The following NKAIN2 variants were observed in gnomAD, a reference collection of about 807,000 sequenced individuals.
The protein encoded by NKAIN2 is sodium/potassium transporting ATPase interacting 2.
Under a neutral mutation model 32.6 loss-of-function variants are expected in NKAIN2, and 14 were observed. That is an observed-to-expected ratio of 0.43 (90% confidence interval 0.28 to 0.67). The LOEUF (loss-of-function observed/expected upper bound fraction) is 0.67. NKAIN2 is among the 30% of genes least tolerant of loss of function. NKAIN2 has a pLI of 0.17. For synonymous variants in NKAIN2, 80 were observed against 87.2 expected (o/e 0.92, Z 0.46); for missense variants, 198 against 258.3 (o/e 0.77, Z 1.60).
At chr6:123,868,133 G>T (rs1231824960) in intron 1 of NKAIN2, among the ~76,000 whole-genome samples, 2 of 152,150 alleles carry the variant, frequency 1.3e-5, no homozygotes, top group Non-Finnish European at 2.9e-5. Flanking sequence ...CTCCCAAAGT[G>T]CTGGGATTAC....
intron 1 of NKAIN2, among the ~76,000 whole-genome samples, chr6:123,997,959 C>T (rs567875036): frequency 6.6e-6 from 1 of 152,178 alleles, no homozygotes; most frequent in Non-Finnish European, 1.5e-5. Flanking sequence ...CAGGTATTTT[C>T]AAATAGAATG....
At chr6:124,584,153 C>T (rs935601828) in intron 3 of NKAIN2, among the ~76,000 whole-genome samples, 3 of 152,044 alleles carry the variant, frequency 2.0e-5, no homozygotes, top group African/African-American at 7.2e-5. Context: ...GGGATCACAT[C>T]AAGTAAAAAA....
At chr6:123,860,690 G>A (rs1418974519) in intron 1 of NKAIN2, among the ~76,000 whole-genome samples, 1 of 152,202 alleles carries the variant, frequency 6.6e-6, no homozygotes, top group Non-Finnish European at 1.5e-5. Context: ...GATTACAAGT[G>A]TGAGCCACCA....
At position 124,112,712 on chromosome 6, in the gene NKAIN2, C is replaced by T. The variant is rs372965956; in HGVS notation, c.55-170293C>T. Reference sequence around the variant, plus strand: ...CATAATTTGTATATTGGTCTGCTTGCTGGTATTCCATAAATTTCTTAAGCT... The same window carrying T: ...CATAATTTGTATATTGGTCTGCTTGTTGGTATTCCATAAATTTCTTAAGCT... On this transcript the variant is annotated intron_variant, in intron 1 of 6. Transcript: ENST00000368417. Among the ~76,000 whole-genome samples, 7 of 152,176 alleles carry T rather than the reference C, an allele frequency of 4.6e-5. No homozygotes were observed. In the South Asian group the frequency reaches 1.5e-3, roughly 32 times the overall value.
intron 3 of NKAIN2, among the ~76,000 whole-genome samples, chr6:124,433,329 G>A (rs1355454433): frequency 1.2e-4 from 18 of 152,156 alleles, no homozygotes; most frequent in Admixed American, 1.2e-3. Flanking sequence ...TTCAAACGGG[G>A]GAGAATTTGT....
intron 4 of NKAIN2, among the ~76,000 whole-genome samples, chr6:124,751,393 T>A (rs1291079294): frequency 6.6e-6 from 1 of 151,932 alleles, no homozygotes. Flanking sequence ...GTTAGGAGCC[T>A]AGAGTCAAGA....
intron 3 of NKAIN2, among the ~76,000 whole-genome samples, chr6:124,581,215 G>A (rs1279939254): frequency 6.6e-6 from 1 of 152,052 alleles, no homozygotes; most frequent in East Asian, 1.9e-4. Context: ...CGAGGCGGGT[G>A]GATCATGAGG....
At chr6:124,771,631 TA>T (rs1778760903) in intron 4 of NKAIN2, among the ~76,000 whole-genome samples, 1 of 152,238 alleles carries the variant, frequency 6.6e-6, no homozygotes, top group East Asian at 1.9e-4. Flanking sequence ...ATGTAGATTA[TA>T]GTGTATTAAC....
At chr6:124,508,579 G>A (rs981425103) in intron 3 of NKAIN2, among the ~76,000 whole-genome samples, 3 of 151,952 alleles carry the variant, frequency 2.0e-5, no homozygotes, top group Non-Finnish European at 4.4e-5. Flanking sequence ...TCTTGACCTC[G>A]TGATCTGCCC....
chr6:124,133,828 TC>T (rs1433399132), intron 1 of NKAIN2, among the ~76,000 whole-genome samples: 1 of 151,864 alleles, frequency 6.6e-6, no homozygotes, highest in Non-Finnish European at 1.5e-5. Context: ...AACATTAAAG[TC>T]TGATCCTTAC....
intron 3 of NKAIN2, among the ~76,000 whole-genome samples, chr6:124,598,055 C>A (rs1782160956): frequency 6.6e-6 from 1 of 152,138 alleles, no homozygotes; most frequent in South Asian, 2.1e-4. Context: ...GCTGTCTAAC[C>A]TTTTCCTGAG....
At chr6:123,868,433 T>C (rs1444077183) in intron 1 of NKAIN2, among the ~76,000 whole-genome samples, 1 of 152,184 alleles carries the variant, frequency 6.6e-6, no homozygotes, top group African/African-American at 2.4e-5. Context: ...TTGTACGTAT[T>C]AATTGATTTT....
intron 5 of NKAIN2, among the ~76,000 whole-genome samples, chr6:124,794,078 A>G (rs1779890823): frequency 6.6e-6 from 1 of 152,182 alleles, no homozygotes; most frequent in South Asian, 2.1e-4. Flanking sequence ...ATTCATGTTC[A>G]CTGTGACTAT....
At chr6:124,734,263 A>C (rs530814420) in intron 4 of NKAIN2, among the ~76,000 whole-genome samples, 1 of 151,964 alleles carries the variant, frequency 6.6e-6, no homozygotes, top group South Asian at 2.1e-4. Flanking sequence ...AAAATCTCTT[A>C]AATCTTGACC....
At chr6:124,496,024 G>A (rs1778050612) in intron 3 of NKAIN2, among the ~76,000 whole-genome samples, 1 of 152,050 alleles carries the variant, frequency 6.6e-6, no homozygotes, top group Admixed American at 6.6e-5. Context: ...AAGATGCCGT[G>A]ACAGCTCTGA....
intron 3 of NKAIN2, among the ~76,000 whole-genome samples, chr6:124,647,332 A>G (rs1244805247): frequency 1.3e-5 from 2 of 151,718 alleles, no homozygotes; most frequent in Non-Finnish European, 2.9e-5. Context: ...AGACCACTTG[A>G]GGTCAGGAGT....
At chr6:124,369,747 A>G (rs1053070667) in intron 3 of NKAIN2, among the ~76,000 whole-genome samples, 2 of 151,992 alleles carry the variant, frequency 1.3e-5, no homozygotes, top group Non-Finnish European at 2.9e-5. Context: ...TTGGTCTTTG[A>G]TAAGTTCTGT....
At chr6:124,629,222 A>T in intron 3 of NKAIN2, among the ~76,000 whole-genome samples, 1 of 152,254 alleles carries the variant, frequency 6.6e-6, no homozygotes. Flanking sequence ...ATTAAACCCC[A>T]GGGGTATAAT....
At position 124,622,957 on chromosome 6, in the gene NKAIN2, A is replaced by G. The variant is rs575816950; in HGVS notation, c.274-35229A>G. On this transcript the variant is annotated intron_variant, in intron 3 of 6. Transcript: ENST00000368417. ...ACCAAAAGGCAACTTTTTGGTGTGA[A>G]AACAGGAATGCCTGTACTCATTTTG... 2.6e-5 allele frequency among the ~76,000 whole-genome samples: 4 copies of G among 152,200 alleles called. No individual in the cohort carries two copies. In the East Asian group the frequency reaches 7.8e-4, roughly 30 times the overall value.
Sources: gnomAD v4.1 joint callset for allele counts (sites outside exome capture counted in the v4.1 genomes callset) on GRCh38, gnomAD v4.1.1 for gene constraint, MANE v1.5 for transcripts, NCBI Gene and HGNC (gene_info 2026-07-23, HGNC 2026-07-21) for gene names.